The following NELL1 variants were observed in gnomAD, a reference collection of about 807,000 sequenced individuals.
NELL1 encodes neural EGFL like 1.
In NELL1, 76 loss-of-function variants were observed where a neutral mutation model predicts 107.4. The ratio of observed to expected loss-of-function variants is 0.71; its 90% CI spans 0.59 to 0.86. The LOEUF (loss-of-function observed/expected upper bound fraction) is 0.86. Among genes scored for constraint, NELL1 ranks in the 40% least tolerant of loss-of-function variants. The pLI, the probability that NELL1 is intolerant of heterozygous loss-of-function variation, is 0.00. For missense variants in NELL1, 1,024 were observed against 1,005.5 expected (o/e 1.02, Z -0.25); for synonymous variants, 353 against 341.2 (o/e 1.03, Z -0.38).
At chr11:21,016,544 C>A (rs1852569262) in intron 12 of NELL1, among the ~76,000 whole-genome samples, 1 of 152,060 alleles carries the variant, frequency 6.6e-6, no homozygotes, top group Non-Finnish European at 1.5e-5. Context: ...AAATCATGCC[C>A]AGTCACCTCT....
chr11:21,137,511 A>G lies in NELL1; in HGVS notation c.1426+23797A>G, dbSNP rs116755886. Among the ~76,000 whole-genome samples the G allele has an allele frequency of 1.0e-3, 159 of 152,292 alleles. 1 individual carries two copies. Among genetic ancestry groups the G allele is most frequent in the African/African-American group, 3.8e-3 (158 of 41,566 alleles). ...CTCTAATAACAGGATTTAAAAAGAGACATTTTGATAGAAAGTTGGATAGCG... is the reference window on the plus strand; with the variant it reads ...CTCTAATAACAGGATTTAAAAAGAGGCATTTTGATAGAAAGTTGGATAGCG... On this transcript the variant is annotated intron_variant, in intron 13 of 19. Coordinates refer to ENST00000357134, the MANE Select transcript of NELL1 (RefSeq NM_006157.5).
At chr11:20,929,959 G>T in intron 9 of NELL1, among the ~76,000 whole-genome samples, 2 of 145,696 alleles carry the variant, frequency 1.4e-5, no homozygotes, top group South Asian at 2.2e-4. Context: ...GCAACAGAGT[G>T]AGTCTGTCTC....
At chr11:21,013,364 AAGATTAG>A (rs1852492434) in intron 12 of NELL1, among the ~76,000 whole-genome samples, 1 of 152,090 alleles carries the variant, frequency 6.6e-6, no homozygotes, top group African/African-American at 2.4e-5. Context: ...GTGCTCCAGG[AAGATTAG>A]AGCTGCTTGG....
chr11:21,249,440 T>C (rs796376480), intron 14 of NELL1, among the ~76,000 whole-genome samples: 7 of 152,102 alleles, frequency 4.6e-5, no homozygotes, highest in African/African-American at 1.7e-4. Context: ...TTTTTTTTCA[T>C]ATTTGATAGC....
chr11:21,272,331 G>A (rs1848756846), intron 14 of NELL1, among the ~76,000 whole-genome samples: 1 of 152,204 alleles, frequency 6.6e-6, no homozygotes, highest in Non-Finnish European at 1.5e-5. Context: ...AGATCAAACT[G>A]CAAGGCAGCA....
intron 13 of NELL1, among the ~76,000 whole-genome samples, chr11:21,179,933 G>T (rs1363871927): frequency 1.7e-5 from 2 of 114,890 alleles, no homozygotes; most frequent in African/African-American, 6.9e-5. Context: ...AGGTCATACT[G>T]TCTGGGTAGC....
intron 13 of NELL1, among the ~76,000 whole-genome samples, chr11:21,213,842 G>GTA (rs1430563591): frequency 6.6e-6 from 1 of 152,112 alleles, no homozygotes; most frequent in Non-Finnish European, 1.5e-5. Flanking sequence ...TAACTCAAAT[G>GTA]TATCATGGGT....
At chr11:20,926,601 T>C (rs1185375931) in intron 7 of NELL1, among the ~76,000 whole-genome samples, 1 of 152,206 alleles carries the variant, frequency 6.6e-6, no homozygotes, top group Non-Finnish European at 1.5e-5. Flanking sequence ...GTGAGGATAT[T>C]CAAGCTTTAT....
intron 3 of NELL1, among the ~76,000 whole-genome samples, chr11:20,790,686 A>G (rs574157042): frequency 3.3e-5 from 5 of 152,098 alleles, no homozygotes; most frequent in Non-Finnish European, 7.4e-5. Flanking sequence ...CTAGATCTGC[A>G]GCCATGACTT....
chr11:20,946,844 A>G (rs1309264480), intron 10 of NELL1, among the ~76,000 whole-genome samples: 1 of 152,174 alleles, frequency 6.6e-6, no homozygotes, highest in East Asian at 1.9e-4. Flanking sequence ...ATTAAGAGCA[A>G]GGAAGATTTG....
At chr11:20,956,523 G>A (rs989740518) in intron 11 of NELL1, among the ~76,000 whole-genome samples, 84 of 151,682 alleles carry the variant, frequency 5.5e-4, no homozygotes, top group African/African-American at 1.5e-3. Flanking sequence ...GCGGGCGCCC[G>A]TAGTCCCGGC....
Position 21,154,518 on chromosome 11 carries a change from A to G in NELL1, c.1426+40804A>G, listed in dbSNP as rs528921575. 4.6e-5 allele frequency among the ~76,000 whole-genome samples: 7 copies of G among 152,314 alleles called. No individual in the cohort carries two copies. In the South Asian group the frequency reaches 1.0e-3, roughly 23 times the overall value. On this transcript the variant is annotated intron_variant, in intron 13 of 19. Coordinates refer to ENST00000357134, the MANE Select transcript of NELL1 (RefSeq NM_006157.5). ...GAGACTCCAGAGATGAATAAACCACAGTCTTTTTCCCTTAAGGAGCAGAAG... is the reference window on the plus strand; with the variant it reads ...GAGACTCCAGAGATGAATAAACCACGGTCTTTTTCCCTTAAGGAGCAGAAG...
intron 5 of NELL1, among the ~76,000 whole-genome samples, chr11:20,912,535 A>G (rs1260994881): frequency 1.3e-5 from 2 of 152,162 alleles, no homozygotes; most frequent in East Asian, 3.9e-4. Flanking sequence ...AGGATGCTTC[A>G]GGGGTTGAGT....
intron 2 of NELL1, among the ~76,000 whole-genome samples, chr11:20,778,498 CTTTT>C (rs1161737750): frequency 0.018 from 1,311 of 73,052 alleles, 22 homozygotes; most frequent in African/African-American, 0.073. Context: ...TCACCCAGCA[CTTTT>C]TTTTTTTTTT....
intron 5 of NELL1, among the ~76,000 whole-genome samples, chr11:20,888,416 A>G (rs1849553310): frequency 6.6e-6 from 1 of 150,968 alleles, no homozygotes; most frequent in Non-Finnish European, 1.5e-5. Context: ...ATAGCTTCTT[A>G]GATATGTATA....
chr11:20,836,196 A>G (rs958656251), intron 3 of NELL1, among the ~76,000 whole-genome samples: 3 of 152,060 alleles, frequency 2.0e-5, no homozygotes, highest in African/African-American at 7.2e-5. Flanking sequence ...ACAATGCTCA[A>G]TATCATTTAT....
At position 21,153,825 on chromosome 11, in the gene NELL1, T is replaced by C. The variant is rs532921873; in HGVS notation, c.1426+40111T>C. Among the ~76,000 whole-genome samples the C allele has an allele frequency of 1.1e-4, 16 of 152,278 alleles. No homozygotes were observed. In the South Asian group the frequency reaches 3.1e-3, roughly 30 times the overall value. ...AGAAGGATATCTAGGATTGTCTGAC[T>C]TCCAAGTCATGCCCTTTCTACCACA... On this transcript the variant is annotated intron_variant, in intron 13 of 19. Coordinates refer to ENST00000357134, the MANE Select transcript of NELL1 (RefSeq NM_006157.5).
chr11:21,113,370 C>T (rs190508423), intron 12 of NELL1, among the ~76,000 whole-genome samples: 2 of 152,040 alleles, frequency 1.3e-5, no homozygotes, highest in East Asian at 3.9e-4. Context: ...GGGCTCTTAC[C>T]TGTTTTGTCT....
chr11:21,479,299 A>G (rs563141406), intron 15 of NELL1, among the ~76,000 whole-genome samples: 45 of 152,288 alleles, frequency 3.0e-4, no homozygotes, highest in Middle Eastern at 3.4e-3. Flanking sequence ...ATGTCCATCA[A>G]CAGATGAATG....
Sources: gnomAD v4.1 joint callset for allele counts (sites outside exome capture counted in the v4.1 genomes callset) on GRCh38, gnomAD v4.1.1 for gene constraint, MANE v1.5 for transcripts, NCBI Gene and HGNC (gene_info 2026-07-23, HGNC 2026-07-21) for gene names.